The following OPCML variants were observed in gnomAD, a reference collection of about 807,000 sequenced individuals.
OPCML encodes the protein opioid-binding protein/cell adhesion molecule.
Under a neutral mutation model 37.8 loss-of-function variants are expected in OPCML, and 13 were observed. That is an observed-to-expected ratio of 0.34 (90% CI 0.22 to 0.55). OPCML has a LOEUF of 0.55. Among genes scored for constraint, OPCML ranks in the 20% least tolerant of loss-of-function variants. The pLI, the probability that OPCML is intolerant of heterozygous loss-of-function variation, is 0.91. For synonymous variants in OPCML, 176 were observed against 168.8 expected, an observed-to-expected ratio of 1.04 and a Z score of -0.33; for missense variants, 341 against 435.6, an observed-to-expected ratio of 0.78 and a Z score of 1.93.
chr11:133,256,015 G>A (rs548812067), intron 1 of OPCML, among the ~76,000 whole-genome samples: 55 of 152,038 alleles, frequency 3.6e-4, no homozygotes, highest in South Asian at 8.3e-4. Context: ...CTACTATTTC[G>A]TTCACTATTT....
intron 1 of OPCML, among the ~76,000 whole-genome samples, chr11:133,507,022 T>A (rs534798686): frequency 1.8e-4 from 27 of 152,326 alleles, no homozygotes; most frequent in Non-Finnish European, 3.8e-4. Context: ...TGTGGGTCTT[T>A]CCCCCACTTC....
chr11:133,163,739 G>A (rs1160136571), intron 1 of OPCML, among the ~76,000 whole-genome samples: 1 of 152,182 alleles, frequency 6.6e-6, no homozygotes, highest in Non-Finnish European at 1.5e-5. Context: ...CTTTAGCAGT[G>A]CAAAGAGGTG....
chr11:133,361,637 A>ACCTGCAGCTATCCCGGGGCG (rs1352443365), intron 1 of OPCML: 2 of 161,788 alleles, frequency 1.2e-5, no homozygotes, highest in African/African-American at 4.9e-5. Flanking sequence ...ATTCCGGGGC[A>ACCTGCAGCTATCCCGGGGCG]CCTGCAGCTA....
chr11:132,680,181 C>G (rs969279688), intron 2 of OPCML, among the ~76,000 whole-genome samples: 1 of 152,132 alleles, frequency 6.6e-6, no homozygotes, highest in African/African-American at 2.4e-5. Flanking sequence ...TGCAATGCAC[C>G]TGCCCCTCAC....
intron 1 of OPCML, among the ~76,000 whole-genome samples, chr11:133,527,927 G>A (rs1591601816): frequency 6.6e-6 from 1 of 152,192 alleles, no homozygotes; most frequent in East Asian, 1.9e-4. Flanking sequence ...CAGATTTGAG[G>A]CTGTAACCAC....
intron 1 of OPCML, among the ~76,000 whole-genome samples, chr11:133,362,961 C>G (rs775315982): frequency 6.6e-6 from 1 of 152,194 alleles, no homozygotes; most frequent in African/African-American, 2.4e-5. Flanking sequence ...CCAGCGTGCT[C>G]TCTTGTTTTC....
At chr11:133,461,351 C>G (rs1946854115) in intron 1 of OPCML, among the ~76,000 whole-genome samples, 1 of 151,838 alleles carries the variant, frequency 6.6e-6, no homozygotes, top group African/African-American at 2.4e-5. Flanking sequence ...TGCACCCACA[C>G]ACAAAACACT....
At chr11:132,555,103 A>T (rs1462558545) in intron 3 of OPCML, among the ~76,000 whole-genome samples, 1 of 152,062 alleles carries the variant, frequency 6.6e-6, no homozygotes, top group African/African-American at 2.4e-5. Context: ...TAGGGGAAGG[A>T]TGCTGCAACC....
chr11:133,155,856 C>T (rs1950054591), intron 1 of OPCML, among the ~76,000 whole-genome samples: 1 of 152,168 alleles, frequency 6.6e-6, no homozygotes, highest in South Asian at 2.1e-4. Context: ...TGGGGACCAT[C>T]CCTGCTCACC....
At chr11:133,005,156 T>A (rs1487742501) in intron 1 of OPCML, 2 of 985,386 alleles carry the variant, frequency 2.0e-6, no homozygotes, top group Non-Finnish European at 1.2e-6. Context: ...CCTGCACCAC[T>A]GACCCTCCAC....
At chr11:133,376,053 G>A (rs1163680064) in intron 1 of OPCML, among the ~76,000 whole-genome samples, 1 of 152,048 alleles carries the variant, frequency 6.6e-6, no homozygotes, top group Non-Finnish European at 1.5e-5. Context: ...AGGAAAGCAA[G>A]AAGGGGAAAG....
chr11:133,226,334 G>T (rs530313787), intron 1 of OPCML, among the ~76,000 whole-genome samples: 1 of 152,304 alleles, frequency 6.6e-6, no homozygotes, highest in African/African-American at 2.4e-5. Flanking sequence ...GCCGTGATTC[G>T]TATTTATGGT....
chr11:132,645,042 T>C (rs1025443063), intron 3 of OPCML, among the ~76,000 whole-genome samples: 2 of 152,234 alleles, frequency 1.3e-5, no homozygotes, highest in African/African-American at 4.8e-5. Context: ...TTAAATTGAT[T>C]GCAGCAGGCT....
At chr11:132,561,304 C>T (rs906533855) in intron 3 of OPCML, among the ~76,000 whole-genome samples, 1 of 152,196 alleles carries the variant, frequency 6.6e-6, no homozygotes, top group African/African-American at 2.4e-5. Flanking sequence ...GATGAGAAAG[C>T]CCTATTTCTA....
intron 2 of OPCML, among the ~76,000 whole-genome samples, chr11:132,775,502 G>A (rs1182894212): frequency 2.0e-5 from 3 of 152,132 alleles, no homozygotes; most frequent in Non-Finnish European, 4.4e-5. Context: ...GAGGAACAGT[G>A]ACAAACTGCA....
At chr11:133,353,502 G>A (rs1194196671) in intron 1 of OPCML, among the ~76,000 whole-genome samples, 2 of 152,110 alleles carry the variant, frequency 1.3e-5, no homozygotes, top group Non-Finnish European at 2.9e-5. Context: ...GGATGAGGGG[G>A]AGCATCTGGC....
chr11:132,747,371 G>C (rs1296719106), intron 2 of OPCML, among the ~76,000 whole-genome samples: 1 of 152,204 alleles, frequency 6.6e-6, no homozygotes, highest in Non-Finnish European at 1.5e-5. Flanking sequence ...AAGAGTGGCA[G>C]ATTCTTTTGG....
chr11:133,399,248 G>T (rs1945350038), intron 1 of OPCML, among the ~76,000 whole-genome samples: 1 of 152,124 alleles, frequency 6.6e-6, no homozygotes, highest in Non-Finnish European at 1.5e-5. Context: ...ACTAGCTCAG[G>T]CCTGCCATCT....
chr11:133,068,674 C>T (rs192996593), intron 1 of OPCML, among the ~76,000 whole-genome samples: 105 of 152,274 alleles, frequency 6.9e-4, no homozygotes, highest in African/African-American at 2.4e-3. Flanking sequence ...ACTCTAGGTC[C>T]TTGACACATA....
Sources: allele counts gnomAD v4.1 joint callset (sites outside exome capture counted in the v4.1 genomes callset), GRCh38; gene constraint gnomAD v4.1.1; transcripts MANE v1.5; gene names NCBI Gene and HGNC (gene_info 2026-07-23, HGNC 2026-07-21).